Variants in FBXO30 observed in about 807,000 individuals in gnomAD.
FBXO30 encodes F-box protein 30.
Under a neutral mutation model 58.1 loss-of-function variants are expected in FBXO30, and 21 were observed. The observed-to-expected ratio is 0.36, with a 90% CI of 0.26 to 0.52. The LOEUF (loss-of-function observed/expected upper bound fraction) is 0.52, where lower values mean the gene tolerates loss of function less well. Among genes scored for constraint, FBXO30 ranks in the 20% least tolerant of loss-of-function variants. The probability of loss-of-function intolerance (pLI) is 0.93; values close to 1 mark genes in which losing one functional copy is unlikely to be tolerated. For missense variants in FBXO30, 744 were observed against 897.3 expected (o/e 0.83, Z 2.18); for synonymous variants, 309 against 312.4 (o/e 0.99, Z 0.11).
At chr6:145,812,741 A>G (rs567416948) in intron 1 of FBXO30, among the ~76,000 whole-genome samples, 16 of 152,116 alleles carry the variant, frequency 1.1e-4, no homozygotes, top group African/African-American at 3.9e-4. Flanking sequence ...CTCATTCTTT[A>G]AAAAAAAGAT....
At chr6:145,804,331 C>A in intron 2 of FBXO30, 41 bp downstream of exon 2, 1 of 1,514,276 alleles carries the variant, frequency 6.6e-7, no homozygotes, top group Non-Finnish European at 8.9e-7. Flanking sequence ...TTATTAAAGT[C>A]CTCTTTATGT....
Position 145,805,275 on chromosome 6 carries a change from A to T in FBXO30, c.1131T>A (p.Asn377Lys). ...CATGACTGAAAGATAAGACATCCAC[A>T]TTCTTCACGTCCCCTAAGTCTACTT... is the stretch of plus-strand genomic sequence containing the variant. Reference protein sequence around the residue: ...WKKVDLGDVKNVDVLSFSHAP... With the variant: ...WKKVDLGDVKKVDVLSFSHAP... Residue 377 changes from asparagine (N) to lysine (K), a missense_variant, in exon 2 of 3, where the codon AAT (asparagine) becomes AAA (lysine). By Grantham distance (94) the Asn-to-Lys change is moderately conservative. Around this residue, in one of 3 missense-constraint regions of FBXO30, gnomAD observed 275 missense variants for 262.0 expected, o/e 1.05. Coordinates refer to ENST00000237281, the MANE Select transcript of FBXO30 (RefSeq NM_032145.5). 1 of 1,614,090 alleles carries T rather than the reference A, an allele frequency of 6.2e-7. No homozygotes were observed. The highest frequency in any genetic ancestry group is 1.1e-5 in the South Asian group (1 of 91,082).
At position 145,808,671 on chromosome 6, in the gene FBXO30, G is replaced by A. The variant is rs17075389; in HGVS notation, c.-16-2250C>T. The stretch of plus-strand genomic sequence containing the variant: ...AAACTCCTCTTCACTCTCTACAATG[G>A]ATTACTTATGATATATTTCTACTTG... On this transcript the variant is annotated intron_variant, in intron 1 of 2. Transcript: ENST00000237281. 4.2e-3 allele frequency among the ~76,000 whole-genome samples: 634 copies of A among 152,008 alleles called. 18 individuals are homozygous for A. The East Asian group carries it at 0.071, about 17-fold the overall frequency.
At chr6:145,811,657 G>A (rs1178488701) in intron 1 of FBXO30, among the ~76,000 whole-genome samples, 1 of 152,196 alleles carries the variant, frequency 6.6e-6, no homozygotes, top group Non-Finnish European at 1.5e-5. Context: ...GGTAGAGAGT[G>A]AGAAAAGTAA....
intron 1 of FBXO30, among the ~76,000 whole-genome samples, chr6:145,810,743 A>C (rs1350218040): frequency 6.6e-6 from 1 of 152,216 alleles, no homozygotes; most frequent in Non-Finnish European, 1.5e-5. Flanking sequence ...AAATTCATTA[A>C]AATACATAAG....
At chr6:145,807,230 T>C (rs1562246409) in intron 1 of FBXO30, among the ~76,000 whole-genome samples, 1 of 152,190 alleles carries the variant, frequency 6.6e-6, no homozygotes, top group Non-Finnish European at 1.5e-5. Context: ...CAGTAAAAAG[T>C]GTATCTCGTT....
Position 145,804,506 on chromosome 6 carries a change from A to G in FBXO30, c.1900T>C (p.Cys634Arg). ...AACTTGGATACACATGAGAGCTGAC[A>G]TAAGCTGAAGCCATCGAGAAAGCCT... ...IAGFLDGFSL[C>R]QLSCVSKLMR... is the part of the protein sequence containing the mutation. The change falls in exon 2 of 3, where the codon TGT becomes CGT. Residue 634 changes from cysteine (C) to arginine (R), a missense_variant. Around this residue, in one of 3 missense-constraint regions of FBXO30, gnomAD observed 334 missense variants for 433.7 expected, o/e 0.77. Transcript: ENST00000237281. 1.2e-6 allele frequency: 2 copies of G among 1,613,818 alleles called. No homozygotes were observed. The highest frequency in any genetic ancestry group is 1.7e-5 in the Admixed American group (1 of 59,926).
chr6:145,805,326 T>G lies in FBXO30; in HGVS notation c.1080A>C (p.Glu360Asp). The G allele has an allele frequency of 6.2e-7, 1 of 1,614,096 alleles. No homozygotes were observed. The highest frequency in any genetic ancestry group is 8.5e-7 in the Non-Finnish European group (1 of 1,179,988). Residue 360 changes from glutamate to aspartate, a missense_variant, in exon 2 of 3, where the codon GAA becomes GAC. By Grantham distance (45) the Glu-to-Asp change is conservative. This residue lies in a region of FBXO30 where 275 missense variants were observed against 262.0 expected (regional missense o/e 1.05). Coordinates refer to ENST00000237281, the MANE Select transcript of FBXO30 (RefSeq NM_032145.5). ...TTTTCCAACACAATTCACCTTCACC[T>G]TCATCATCTGGCATGAGGATATGCT... Reference protein sequence around the residue: ...TVQHILMPDDEGEGELCWKKV... With the variant: ...TVQHILMPDDDGEGELCWKKV...
Position 145,805,717 on chromosome 6 carries a change from T to A in FBXO30, c.689A>T (p.Asp230Val), listed in dbSNP as rs1277980282. The change falls in exon 2 of 3, where the codon GAT (aspartate) becomes GTT (valine). Residue 230 changes from aspartate (D) to valine (V), a missense_variant. Transcript: ENST00000237281. ...EQQNARESLE[D>V]QNLKDQDHLY... ...ATGATCTTGGTCTTTCAAGTTTTGA[T>A]CCTCTAAGCTTTCTCTCGCATTTTG... 1.9e-6 allele frequency: 3 copies of A among 1,614,076 alleles called. No homozygotes were observed. The highest frequency in any genetic ancestry group is 1.7e-6 in the Non-Finnish European group (2 of 1,179,978).
At chr6:145,814,507 G>A (rs961955698) in intron 1 of FBXO30, 96 bp downstream of exon 1, 4 of 151,814 alleles carry the variant, frequency 2.6e-5, no homozygotes, top group African/African-American at 4.8e-5. Context: ...CCAGCGCCTC[G>A]GTCCCGGCCG....
At position 145,798,083 on chromosome 6, in the gene FBXO30, A is replaced by G. The variant is rs555127879; in HGVS notation, c.*2023T>C. 8 of 152,220 alleles carry G rather than the reference A, an allele frequency of 5.3e-5. No individual in the cohort carries two copies. The highest frequency in any genetic ancestry group is 1.4e-4 in the African/African-American group (6 of 41,566). The allele number at this position is 152,220 out of a possible 1,614,324, so 9.4% of individuals were successfully genotyped here. A position where few individuals can be genotyped will look rare whatever the true frequency, so the allele number is the denominator to read the frequency against. Reference sequence around the variant, plus strand: ...TGAGTAATGATGATAATCAACAACTACCATAACATGCAGAAAATCCACATT... The same window carrying G: ...TGAGTAATGATGATAATCAACAACTGCCATAACATGCAGAAAATCCACATT... On this transcript the variant is annotated 3_prime_UTR_variant, in exon 3 of 3. Coordinates refer to ENST00000237281, the MANE Select transcript of FBXO30 (RefSeq NM_032145.5).
In FBXO30 at chr6:145,799,354, G is replaced by A. The variant is rs563168707; in HGVS notation, c.*752C>T. On this transcript the variant is annotated 3_prime_UTR_variant, in exon 3 of 3. Coordinates refer to ENST00000237281, the MANE Select transcript of FBXO30 (RefSeq NM_032145.5). ...ATAACTAGCAAATATATAATACCAG[G>A]AGCAGTTTCAAATTAAATTATATTC... is the stretch of plus-strand genomic sequence containing the variant. The A allele has an allele frequency of 6.6e-6, 1 of 152,118 alleles. No individual in the cohort carries two copies. Among genetic ancestry groups the A allele is most frequent in the South Asian group, 2.1e-4 (1 of 4,820 alleles). The allele number at this position is 152,118 out of a possible 1,614,324, so 9.4% of individuals were successfully genotyped here.
intron 2 of FBXO30, among the ~76,000 whole-genome samples, chr6:145,803,437 C>A (rs1242892041): frequency 6.6e-6 from 1 of 152,044 alleles, no homozygotes; most frequent in Non-Finnish European, 1.5e-5. Flanking sequence ...GCAATGAATG[C>A]AAGAAAACCT....
chr6:145,805,606 C>G lies in FBXO30; in HGVS notation c.800G>C (p.Ser267Thr). ...QNAQSEQNGS[S>T]DLLCDLNTSS... is the part of the protein sequence containing the mutation. ...TGTATTCAAGTCACATAATAAATCA[C>G]TTGAACCATTTTGTTCAGACTGGGC... is the stretch of plus-strand genomic sequence containing the variant. The change falls in exon 2 of 3, where the codon AGT becomes ACT. Residue 267 changes from serine to threonine, a missense_variant. By Grantham distance (58) the Ser-to-Thr change is moderately conservative (BLOSUM62 1). Around this residue, in one of 3 missense-constraint regions of FBXO30, gnomAD observed 275 missense variants for 262.0 expected, o/e 1.05. Coordinates refer to ENST00000237281, the MANE Select transcript of FBXO30 (RefSeq NM_032145.5). The G allele has an allele frequency of 6.2e-7, 1 of 1,613,984 alleles. No homozygotes were observed. Among genetic ancestry groups the G allele is most frequent in the East Asian group, 2.2e-5 (1 of 44,882 alleles).
chr6:145,806,950 A>T (rs1406459053), intron 1 of FBXO30, among the ~76,000 whole-genome samples: 1 of 152,186 alleles, frequency 6.6e-6, no homozygotes, highest in Non-Finnish European at 1.5e-5. Context: ...TCATCTATTG[A>T]TCTCTCCTTC....
At position 145,805,283 on chromosome 6, in the gene FBXO30, C is replaced by T. The variant is rs9373475; in HGVS notation, c.1123G>A (p.Val375Met). 646,556 of 1,613,724 alleles carry T rather than the reference C, an allele frequency of 0.4. 132,955 individuals carry two copies. The highest frequency in any genetic ancestry group is 0.48 in the South Asian group (43,752 of 91,072). Reference protein sequence around the residue: ...LCWKKVDLGDVKNVDVLSFSH... With the variant: ...LCWKKVDLGDMKNVDVLSFSH... ...AAAGATAAGACATCCACATTCTTCACGTCCCCTAAGTCTACTTTTTTCCAA... is the reference window on the plus strand; with the variant it reads ...AAAGATAAGACATCCACATTCTTCATGTCCCCTAAGTCTACTTTTTTCCAA... Residue 375 changes from valine (V) to methionine (M), a missense_variant, in exon 2 of 3, where the codon GTG (valine) becomes ATG (methionine). Physicochemically the swap from Val to Met is conservative, Grantham distance 21. Transcript: ENST00000237281.
rs994351488 is a variant in FBXO30 at position 145,797,098 on chromosome 6, C to T, written c.*3008G>A. 5.3e-5 allele frequency: 8 copies of T among 151,962 alleles called. No homozygotes were observed. The highest frequency in any genetic ancestry group is 3.9e-4 in the East Asian group (2 of 5,178). 9.4% of individuals were successfully genotyped at this position (151,962 alleles called of 1,614,324 possible). A position where few individuals can be genotyped will look rare whatever the true frequency, so the allele number is the denominator to read the frequency against. On this transcript the variant is annotated 3_prime_UTR_variant, in exon 3 of 3. Transcript: ENST00000237281. ...TTACCCTACAATTTGAATATGTTCA[C>T]GACTCTACAACCACTAAACAAGAGA...
intron 2 of FBXO30, among the ~76,000 whole-genome samples, chr6:145,802,215 G>A (rs1778022153): frequency 6.6e-6 from 1 of 152,086 alleles, no homozygotes; most frequent in Non-Finnish European, 1.5e-5. Flanking sequence ...GTCAGGTTAT[G>A]GGTCCCAAGA....
chr6:145,798,402 T>G lies in FBXO30; in HGVS notation c.*1704A>C, dbSNP rs1186767777. The G allele has an allele frequency of 6.6e-6, 1 of 152,394 alleles. No individual in the cohort carries two copies. Among genetic ancestry groups the G allele is most frequent in the African/African-American group, 2.4e-5 (1 of 41,434 alleles). 9.4% of individuals were successfully genotyped at this position (152,394 alleles called of 1,614,324 possible). Reference sequence around the variant, plus strand: ...TAAAAACAATGAATTTTAAAAAGCATAACTATAAAACAAAAGTTAATGCTT... The same window carrying G: ...TAAAAACAATGAATTTTAAAAAGCAGAACTATAAAACAAAAGTTAATGCTT... On this transcript the variant is annotated 3_prime_UTR_variant, in exon 3 of 3. Transcript: ENST00000237281.
Sources: gnomAD v4.1 joint callset for allele counts (sites outside exome capture counted in the v4.1 genomes callset) on GRCh38, gnomAD v4.1.1 for gene constraint, gnomAD v4.1.1 regional missense constraint, MANE v1.5 for transcripts, NCBI Gene and HGNC (gene_info 2026-07-23, HGNC 2026-07-21) for gene names.